CACNB2: variants seen among roughly 807,000 people sequenced by gnomAD.
The protein encoded by CACNB2 is calcium voltage-gated channel auxiliary subunit beta 2, also known as voltage-dependent L-type calcium channel subunit beta-2.
Under a neutral mutation model 73.3 loss-of-function variants are expected in CACNB2, and 42 were observed. The ratio of observed to expected loss-of-function variants is 0.57; its 90% CI spans 0.45 to 0.74. CACNB2 has a LOEUF of 0.74. Among genes scored for constraint, CACNB2 ranks in the 30% least tolerant of loss-of-function variants. The probability of loss-of-function intolerance (pLI) is 0.00; values close to 1 mark genes in which losing one functional copy is unlikely to be tolerated. For synonymous variants in CACNB2, 348 were observed against 310.3 expected, an observed-to-expected ratio of 1.12 and a Z score of -1.28; for missense variants, 940 against 853.0, an observed-to-expected ratio of 1.10 and a Z score of -1.27.
chr10:18,461,221 C>A (rs1197347946), intron 3 of CACNB2, among the ~76,000 whole-genome samples: 1 of 152,142 alleles, frequency 6.6e-6, no homozygotes, highest in Non-Finnish European at 1.5e-5. Context: ...GCCTTTCTTG[C>A]TCTATCTTTA....
chr10:18,211,875 T>TC (rs2035331261), intron 2 of CACNB2, among the ~76,000 whole-genome samples: 1 of 147,150 alleles, frequency 6.8e-6, no homozygotes, highest in South Asian at 2.2e-4. Context: ...TTTTTTTTTT[T>TC]CTCCCCATTA....
At chr10:18,203,519 C>T (rs1464305282) in intron 2 of CACNB2, among the ~76,000 whole-genome samples, 1 of 151,844 alleles carries the variant, frequency 6.6e-6, no homozygotes, top group Non-Finnish European at 1.5e-5. Context: ...TATTTTTCCA[C>T]ATTACATCAA....
rs114969328 is a variant in CACNB2 at position 18,455,753 on chromosome 10, A to G, written c.334-42602A>G. Among the ~76,000 whole-genome samples the G allele has an allele frequency of 7.4e-3, 1,123 of 152,322 alleles. 22 individuals are homozygous for G. The highest frequency in any genetic ancestry group is 0.025 in the African/African-American group (1,047 of 41,566). Reference sequence around the variant, plus strand: ...GTTCCAGCTGCTGTTCTGCAACTGCAAATGGATTCTGCTTTAGTATGATAA... The same window carrying G: ...GTTCCAGCTGCTGTTCTGCAACTGCGAATGGATTCTGCTTTAGTATGATAA... On this transcript the variant is annotated intron_variant, in intron 3 of 13. Coordinates refer to ENST00000324631, the MANE Select transcript of CACNB2 (RefSeq NM_201596.3).
intron 3 of CACNB2, among the ~76,000 whole-genome samples, chr10:18,423,504 C>T (rs995950478): frequency 1.3e-5 from 2 of 152,114 alleles, no homozygotes; most frequent in African/African-American, 4.8e-5. Context: ...TCCCTTCAAG[C>T]CCAGTTCCTG....
chr10:18,323,600 T>G (rs1196048762), intron 2 of CACNB2, among the ~76,000 whole-genome samples: 1 of 152,200 alleles, frequency 6.6e-6, no homozygotes, highest in African/African-American at 2.4e-5. Flanking sequence ...ATTCCATATT[T>G]CCAGTGTAAG....
At chr10:18,244,612 C>T (rs1208951514) in intron 2 of CACNB2, among the ~76,000 whole-genome samples, 2 of 152,106 alleles carry the variant, frequency 1.3e-5, no homozygotes, top group Non-Finnish European at 2.9e-5. Context: ...TTTTGTCAAC[C>T]TTATGTAGGA....
chr10:18,541,524 G>A lies in CACNB2; in HGVS notation c.*1800G>A, dbSNP rs1160395448. 4 of 152,102 alleles carry A rather than the reference G, an allele frequency of 2.6e-5. No homozygotes were observed. Among genetic ancestry groups the A allele is most frequent in the African/African-American group, 9.7e-5 (4 of 41,396 alleles). The allele number at this position is 152,102 out of a possible 1,614,324, so 9.4% of individuals were successfully genotyped here. ...TGAAGTTTGTCCCAGGAAAATGCCT[G>A]TGTATAATTACCTAACTTCAGATCT... On this transcript the variant is annotated 3_prime_UTR_variant, in exon 14 of 14. Transcript: ENST00000324631.
chr10:18,457,000 C>T (rs772360586), intron 3 of CACNB2, among the ~76,000 whole-genome samples: 25 of 152,142 alleles, frequency 1.6e-4, no homozygotes, highest in Non-Finnish European at 3.1e-4. Flanking sequence ...TGCCTTCTAC[C>T]ACTGGGCATA....
intron 2 of CACNB2, among the ~76,000 whole-genome samples, chr10:18,183,587 C>T (rs1161744535): frequency 6.6e-6 from 1 of 152,084 alleles, no homozygotes; most frequent in African/African-American, 2.4e-5. Flanking sequence ...TTTATAAAAC[C>T]ATCAGATCTG....
At chr10:18,359,567 C>A (rs752042797) in intron 2 of CACNB2, among the ~76,000 whole-genome samples, 1 of 152,104 alleles carries the variant, frequency 6.6e-6, no homozygotes, top group East Asian at 1.9e-4. Context: ...AACCACCACA[C>A]CCAGCCTGAA....
At chr10:18,266,457 G>C (rs914596684) in intron 2 of CACNB2, among the ~76,000 whole-genome samples, 5 of 151,998 alleles carry the variant, frequency 3.3e-5, no homozygotes, top group African/African-American at 1.2e-4. Context: ...CACTGGGCTA[G>C]AGAAGTGCTG....
intron 2 of CACNB2, among the ~76,000 whole-genome samples, chr10:18,288,542 T>C (rs1363661783): frequency 1.3e-5 from 2 of 152,234 alleles, no homozygotes; most frequent in East Asian, 3.8e-4. Flanking sequence ...TTCAAAATAC[T>C]GTTTTCAATT....
At chr10:18,331,514 TTTAAC>T (rs1404978418) in intron 2 of CACNB2, among the ~76,000 whole-genome samples, 1 of 152,006 alleles carries the variant, frequency 6.6e-6, no homozygotes, top group African/African-American at 2.4e-5. Flanking sequence ...CTGACTTTTT[TTTAAC>T]TTAAATTAAC....
At chr10:18,491,190 A>G (rs1338857502) in intron 3 of CACNB2, among the ~76,000 whole-genome samples, 1 of 152,236 alleles carries the variant, frequency 6.6e-6, no homozygotes, top group Non-Finnish European at 1.5e-5. Flanking sequence ...ATTCATATCC[A>G]AGAATCAGTT....
chr10:18,419,821 A>G (rs1468702436), intron 3 of CACNB2, among the ~76,000 whole-genome samples: 1 of 152,232 alleles, frequency 6.6e-6, no homozygotes, highest in Non-Finnish European at 1.5e-5. Flanking sequence ...ACTTTATTAC[A>G]AAAGCTTGTG....
At chr10:18,371,920 T>C (rs796493932) in intron 2 of CACNB2, among the ~76,000 whole-genome samples, 2 of 152,336 alleles carry the variant, frequency 1.3e-5, no homozygotes, top group South Asian at 4.1e-4. Context: ...TGGTATCTCA[T>C]TGTGGTTTTG....
At chr10:18,180,736 G>A (rs2033829299) in intron 2 of CACNB2, among the ~76,000 whole-genome samples, 1 of 152,076 alleles carries the variant, frequency 6.6e-6, no homozygotes, top group Admixed American at 6.6e-5. Context: ...GGAGGCACGG[G>A]CCGGCGGATC....
chr10:18,260,498 A>G (rs879880372), intron 2 of CACNB2: 2 of 985,526 alleles, frequency 2.0e-6, no homozygotes, highest in Non-Finnish European at 2.4e-6. Context: ...TCAGGTCCTG[A>G]GGCCACTCTG....
At chr10:18,162,830 G>A (rs2032567350) in intron 2 of CACNB2, among the ~76,000 whole-genome samples, 2 of 152,192 alleles carry the variant, frequency 1.3e-5, no homozygotes, top group South Asian at 2.1e-4. Flanking sequence ...AGGAAGTGAT[G>A]TGTTACTCTG....
Sources: gnomAD v4.1 joint callset for allele counts (sites outside exome capture counted in the v4.1 genomes callset) on GRCh38, gnomAD v4.1.1 for gene constraint, MANE v1.5 for transcripts, NCBI Gene and HGNC (gene_info 2026-07-23, HGNC 2026-07-21) for gene names.